RBMS3: variants seen among roughly 807,000 people sequenced by gnomAD.
The protein encoded by RBMS3 is RNA-binding motif, single-stranded-interacting protein 3.
A neutral mutation model predicts 66.8 loss-of-function variants in RBMS3; 27 were observed. That is an observed-to-expected ratio of 0.40 (90% CI 0.30 to 0.56). RBMS3 has a LOEUF of 0.56. Ranked by LOEUF, RBMS3 falls within the 20% of genes least tolerant of loss-of-function variation. RBMS3 has a pLI of 0.40. For missense variants in RBMS3, 513 were observed against 549.5 expected (o/e 0.93, Z 0.66); for synonymous variants, 188 against 183.0 (o/e 1.03, Z -0.22).
At chr3:29,286,127 C>T (rs2032307260) in intron 1 of RBMS3, among the ~76,000 whole-genome samples, 1 of 152,220 alleles carries the variant, frequency 6.6e-6, no homozygotes, top group South Asian at 2.1e-4. Context: ...TTTTTAGGTA[C>T]AACTCCAAAT....
chr3:29,526,870 T>C (rs1443935481), intron 3 of RBMS3, among the ~76,000 whole-genome samples: 1 of 119,410 alleles, frequency 8.4e-6, no homozygotes, highest in African/African-American at 3.7e-5. Context: ...GCCTGTTGCT[T>C]ACTCTTCCCT....
intron 6 of RBMS3, among the ~76,000 whole-genome samples, chr3:29,814,324 A>G (rs1576885709): frequency 6.6e-6 from 1 of 152,256 alleles, no homozygotes; most frequent in Non-Finnish European, 1.5e-5. Flanking sequence ...CATCCCAGGG[A>G]TGAAGCCCAC....
chr3:29,512,557 A>G (rs1431448002), intron 3 of RBMS3, among the ~76,000 whole-genome samples: 4 of 152,114 alleles, frequency 2.6e-5, no homozygotes, highest in Non-Finnish European at 5.9e-5. Context: ...TATATTTTCC[A>G]TTTGATATTT....
intron 3 of RBMS3, among the ~76,000 whole-genome samples, chr3:29,583,653 A>T (rs1232091264): frequency 6.6e-6 from 1 of 152,088 alleles, no homozygotes; most frequent in African/African-American, 2.4e-5. Flanking sequence ...CAACACTTTC[A>T]TGAAGTTTCT....
chr3:29,907,856 G>A (rs2060418058), intron 10 of RBMS3, among the ~76,000 whole-genome samples: 1 of 152,028 alleles, frequency 6.6e-6, no homozygotes, highest in African/African-American at 2.4e-5. Flanking sequence ...TTTTGGGGAA[G>A]AGATGCATTT....
At position 29,323,649 on chromosome 3, in the gene RBMS3, G is replaced by A. The variant is rs531085604; in HGVS notation, c.75+41893G>A. ...CCCTCTGTCTTCTCTTCTGAAATGT[G>A]TATTCCTTCTGATATTGGACACATA... On this transcript the variant is annotated intron_variant, in intron 1 of 14. Coordinates refer to ENST00000383767, the MANE Select transcript of RBMS3 (RefSeq NM_001003793.3). 3.3e-5 allele frequency among the ~76,000 whole-genome samples: 5 copies of A among 150,870 alleles called. No individual in the cohort carries two copies. The East Asian group carries it at 9.8e-4, about 30-fold the overall frequency.
At chr3:29,930,109 C>CTTTTTTTTTTTTTTTTGTTTTTTTTTT (rs2061074010) in intron 10 of RBMS3, among the ~76,000 whole-genome samples, 1 of 43,556 alleles carries the variant, frequency 2.3e-5, no homozygotes, top group East Asian at 7.8e-4. Flanking sequence ...TTCTTTCTTT[C>CTTTTTTTTTTTTTTTTGTTTTTTTTTT]TTTTTTTTTT....
At chr3:29,890,317 C>T (rs1166480910) in intron 8 of RBMS3, among the ~76,000 whole-genome samples, 1 of 151,644 alleles carries the variant, frequency 6.6e-6, no homozygotes, top group Non-Finnish European at 1.5e-5. Flanking sequence ...ACTTACTCAA[C>T]ATACCAAGGA....
intron 6 of RBMS3, among the ~76,000 whole-genome samples, chr3:29,832,607 T>C (rs1165884469): frequency 1.3e-5 from 2 of 152,154 alleles, no homozygotes; most frequent in African/African-American, 4.8e-5. Flanking sequence ...AACAAGCAAG[T>C]AGTTAGTAAG....
At chr3:29,599,930 C>T (rs1308978793) in intron 4 of RBMS3, among the ~76,000 whole-genome samples, 1 of 151,220 alleles carries the variant, frequency 6.6e-6, no homozygotes, top group Non-Finnish European at 1.5e-5. Context: ...ATATAGTAAA[C>T]AAAAAAAGAT....
intron 6 of RBMS3, among the ~76,000 whole-genome samples, chr3:29,806,174 G>GTTTT (rs1291741653): frequency 2.0e-5 from 3 of 151,792 alleles, no homozygotes; most frequent in African/African-American, 7.2e-5. Flanking sequence ...AAACCTACAG[G>GTTTT]TAAAACAAGA....
chr3:29,513,854 C>T (rs1052717151), intron 3 of RBMS3, among the ~76,000 whole-genome samples: 5 of 152,110 alleles, frequency 3.3e-5, no homozygotes, highest in Non-Finnish European at 7.4e-5. Context: ...TCCTTCTTGC[C>T]TAGCTTTTCC....
At chr3:29,779,542 G>A (rs1279231329) in intron 6 of RBMS3, among the ~76,000 whole-genome samples, 1 of 150,980 alleles carries the variant, frequency 6.6e-6, no homozygotes, top group Admixed American at 6.6e-5. Flanking sequence ...TGTTTCTAGG[G>A]TTGAAAAGTA....
At chr3:29,995,161 G>A (rs1699135523) in intron 14 of RBMS3, among the ~76,000 whole-genome samples, 1 of 152,178 alleles carries the variant, frequency 6.6e-6, no homozygotes, top group African/African-American at 2.4e-5. Flanking sequence ...TCAACTGGAA[G>A]AAAGGGGATC....
intron 3 of RBMS3, among the ~76,000 whole-genome samples, chr3:29,519,169 A>C (rs2044756270): frequency 6.6e-6 from 1 of 152,220 alleles, no homozygotes. Context: ...TTCAAGCCCC[A>C]TAGATGTGTT....
chr3:29,844,252 TTTG>T (rs2058728480), intron 6 of RBMS3, among the ~76,000 whole-genome samples: 1 of 152,122 alleles, frequency 6.6e-6, no homozygotes. Flanking sequence ...TGTGTTTTGT[TTTG>T]TTTTGTTTTG....
chr3:29,706,731 A>G (rs1250004471), intron 4 of RBMS3, among the ~76,000 whole-genome samples: 1 of 152,240 alleles, frequency 6.6e-6, no homozygotes, highest in South Asian at 2.1e-4. Context: ...AACACTCTCT[A>G]TATAACAGAA....
At chr3:29,323,717 CA>C (rs1559487764) in intron 1 of RBMS3, among the ~76,000 whole-genome samples, 4 of 150,962 alleles carry the variant, frequency 2.6e-5, no homozygotes, top group Non-Finnish European at 4.4e-5. Flanking sequence ...CACACACACA[CA>C]CACACACACC....
intron 3 of RBMS3, among the ~76,000 whole-genome samples, chr3:29,505,099 G>A (rs866515619): frequency 6.6e-6 from 1 of 152,020 alleles, no homozygotes; most frequent in Middle Eastern, 3.4e-3. Flanking sequence ...TGTTTCCTGT[G>A]CTTTTAGTGT....
Sources: allele counts gnomAD v4.1 joint callset (sites outside exome capture counted in the v4.1 genomes callset), GRCh38; gene constraint gnomAD v4.1.1; transcripts MANE v1.5; gene names NCBI Gene and HGNC (gene_info 2026-07-23, HGNC 2026-07-21).